Variants in CMPK2 observed in about 807,000 individuals in gnomAD.
CMPK2 encodes the protein UMP-CMP kinase 2, mitochondrial.
CMPK2 carries 32 observed loss-of-function variants against 33.4 expected under a neutral mutation model. That is an observed-to-expected ratio of 0.96 (90% CI 0.72 to 1.29). The LOEUF (loss-of-function observed/expected upper bound fraction) is 1.29. Among genes scored for constraint, CMPK2 ranks in the 50% most tolerant of loss-of-function variants. The pLI, the probability that CMPK2 is intolerant of heterozygous loss-of-function variation, is 0.00. For missense variants in CMPK2, 672 were observed against 616.0 expected (o/e 1.09, Z -0.96); for synonymous variants, 299 against 275.3 (o/e 1.09, Z -0.85).
chr2:6,854,986 C>G (rs1160511899), intron 3 of CMPK2, among the ~76,000 whole-genome samples: 1 of 151,888 alleles, frequency 6.6e-6, no homozygotes, highest in Non-Finnish European at 1.5e-5. Context: ...TCATACCCTA[C>G]TAGGAAAACC....
chr2:6,859,842 T>G (rs1413772758), intron 3 of CMPK2, among the ~76,000 whole-genome samples: 7 of 152,164 alleles, frequency 4.6e-5, no homozygotes, highest in Non-Finnish European at 1.0e-4. Flanking sequence ...AGAGCCACTG[T>G]CCACTAGACC....
chr2:6,843,467 A>T (rs75888994), downstream of CMPK2, among the ~76,000 whole-genome samples: 170 of 152,194 alleles, frequency 1.1e-3, no homozygotes, highest in Middle Eastern at 3.4e-3. Flanking sequence ...AAAGTCCTTG[A>T]GGGGGTACTG....
chr2:6,852,714 A>T (rs544326607), intron 3 of CMPK2, among the ~76,000 whole-genome samples: 9 of 152,342 alleles, frequency 5.9e-5, no homozygotes, highest in African/African-American at 2.2e-4. Flanking sequence ...ATGCAATGAA[A>T]GAATGTTATT....
chr2:6,860,486 T>C (rs928486959), intron 3 of CMPK2, among the ~76,000 whole-genome samples: 26 of 152,186 alleles, frequency 1.7e-4, no homozygotes, highest in African/African-American at 5.1e-4. Context: ...GTTCTCATGA[T>C]TGTGAATAAG....
intron 4 of CMPK2, among the ~76,000 whole-genome samples, chr2:6,850,463 C>A (rs1027518899): frequency 6.6e-5 from 10 of 152,140 alleles, no homozygotes; most frequent in African/African-American, 2.2e-4. Flanking sequence ...CATGTGTATA[C>A]AGAGTGACTA....
chr2:6,841,611 A>G (rs1321114737), intron 3 of CMPK2, among the ~76,000 whole-genome samples: 2 of 152,158 alleles, frequency 1.3e-5, no homozygotes, highest in Non-Finnish European at 2.9e-5. Context: ...TGAAAAGTGT[A>G]TCCTCGAGAG....
At chr2:6,841,469 A>G (rs1662232558) in intron 3 of CMPK2, among the ~76,000 whole-genome samples, 1 of 152,206 alleles carries the variant, frequency 6.6e-6, no homozygotes, top group African/African-American at 2.4e-5. Flanking sequence ...ACCTGAGAAC[A>G]ACCTCTGGGC....
downstream of CMPK2, among the ~76,000 whole-genome samples, chr2:6,845,140 T>C (rs546422151): frequency 4.6e-5 from 7 of 152,306 alleles, no homozygotes; most frequent in African/African-American, 1.7e-4. Flanking sequence ...TAGTAAACCT[T>C]GGACCATTTA....
rs1662456602 is a variant in CMPK2, at chr2:6,849,718, G to T, written c.*132C>A. 2.0e-6 allele frequency: 3 copies of T among 1,526,888 alleles called. No individual in the cohort carries two copies. The highest frequency in any genetic ancestry group is 2.8e-5 in the African/African-American group (2 of 71,366). The allele number at this position is 1,526,888 out of a possible 1,614,324, so 94.6% of individuals were successfully genotyped here. On this transcript the variant is annotated 3_prime_UTR_variant, in exon 5 of 5. Coordinates refer to ENST00000256722, the MANE Select transcript of CMPK2 (RefSeq NM_207315.4). ...ACGATGGCTGAAGTAAAATTAAGAT[G>T]CCTGGTCTCCAGTTTTCTGCCACAC...
intron 4 of CMPK2, 92 bp downstream of exon 4, chr2:6,851,338 GTTTGAAAACTGGAAACAATA>G: frequency 6.5e-7 from 1 of 1,526,820 alleles, no homozygotes; most frequent in Non-Finnish European, 8.8e-7. Flanking sequence ...TGTCTCTTGT[GTTTGAAAACTGGAAACAATA>G]TCACTTCCTC....
chr2:6,863,443 T>C (rs1181298533), intron 2 of CMPK2, 21 bp downstream of exon 2: 1 of 1,589,572 alleles, frequency 6.3e-7, no homozygotes, highest in African/African-American at 1.3e-5. Context: ...TGCCTATAAC[T>C]AAAAGGTAAT....
intron 3 of CMPK2, among the ~76,000 whole-genome samples, chr2:6,857,832 T>G (rs1662761772): frequency 6.6e-6 from 1 of 151,576 alleles, no homozygotes. Context: ...AGACGGGGTT[T>G]CACCGTGTTA....
chr2:6,850,464 A>G (rs1398752681), intron 4 of CMPK2, among the ~76,000 whole-genome samples: 1 of 152,194 alleles, frequency 6.6e-6, no homozygotes. Flanking sequence ...ATGTGTATAC[A>G]GAGTGACTAG....
intron 3 of CMPK2, among the ~76,000 whole-genome samples, chr2:6,854,412 T>C (rs1662622666): frequency 6.6e-6 from 1 of 152,248 alleles, no homozygotes; most frequent in South Asian, 2.1e-4. Context: ...AAATGGATTT[T>C]ATTAAAATCT....
Position 6,865,672 on chromosome 2 carries a change from G to T in CMPK2, c.25C>A (p.Arg9Ser), listed in dbSNP as rs1445484537. The change falls in exon 1 of 5, where the codon CGC becomes AGC. Residue 9 changes from arginine (R) to serine (S), a missense_variant. By Grantham distance (110) the Arg-to-Ser change is moderately radical (BLOSUM62 -1). Transcript: ENST00000256722. MAFARRLL[R>S]GPLSGPLLGR... ...AGCAGCGGCCCCGACAGTGGCCCGC[G>T]CAGGAGCCGGCGGGCGAAGGCCATG... 4.1e-5 allele frequency: 54 copies of T among 1,305,362 alleles called. No individual in the cohort carries two copies. The highest frequency in any genetic ancestry group is 4.8e-5 in the Non-Finnish European group (50 of 1,034,862). 80.9% of individuals were successfully genotyped at this position (1,305,362 alleles called of 1,614,324 possible).
chr2:6,865,898 C>A lies in CMPK2; in HGVS notation c.-202G>T, dbSNP rs1284450780. On this transcript the variant is annotated 5_prime_UTR_variant, in exon 1 of 5. Coordinates refer to ENST00000256722, the MANE Select transcript of CMPK2 (RefSeq NM_207315.4). ...CGCCCTTCCGGCCTCTCCTCCTCGC[C>A]GCGAGATGTGCGCGATAAACGGCCG... is the stretch of plus-strand genomic sequence containing the variant. 4 of 1,411,604 alleles carry A rather than the reference C, an allele frequency of 2.8e-6. No homozygotes were observed. Among genetic ancestry groups the A allele is most frequent in the Non-Finnish European group, 3.7e-6 (4 of 1,083,758 alleles). 87.4% of individuals were successfully genotyped at this position (1,411,604 alleles called of 1,614,324 possible). A position where few individuals can be genotyped will look rare whatever the true frequency, so the allele number is the denominator to read the frequency against.
intron 2 of CMPK2, among the ~76,000 whole-genome samples, chr2:6,862,907 C>T (rs1662924877): frequency 6.6e-6 from 1 of 152,224 alleles, no homozygotes; most frequent in South Asian, 2.1e-4. Context: ...ACAGGAGCAG[C>T]ATGTCTGCCC....
intron 4 of CMPK2, chr2:6,850,741 T>C: frequency 1.0e-6 from 1 of 984,308 alleles, no homozygotes; most frequent in South Asian, 4.7e-5. Flanking sequence ...CCATTATTTA[T>C]AACATTACTA....
intron 3 of CMPK2, among the ~76,000 whole-genome samples, chr2:6,856,904 C>T (rs2103223397): frequency 6.6e-6 from 1 of 152,298 alleles, no homozygotes; most frequent in East Asian, 1.9e-4. Flanking sequence ...TTTATGCTTT[C>T]TCCTGTTGAT....
Sources: allele counts gnomAD v4.1 joint callset (sites outside exome capture counted in the v4.1 genomes callset), GRCh38; gene constraint gnomAD v4.1.1; transcripts MANE v1.5; gene names NCBI Gene and HGNC (gene_info 2026-07-23, HGNC 2026-07-21).